The following ERBIN variants were observed in gnomAD, a reference collection of about 807,000 sequenced individuals.
The protein encoded by ERBIN is densin-180-like protein.
Under a neutral mutation model 158.4 loss-of-function variants are expected in ERBIN, and 60 were observed. The ratio of observed to expected loss-of-function variants is 0.38; its 90% CI spans 0.31 to 0.47. The LOEUF (loss-of-function observed/expected upper bound fraction) is 0.47. ERBIN is among the 20% of genes least tolerant of loss of function. ERBIN has a pLI of 0.99. For missense variants in ERBIN, 1,610 were observed against 1,648.0 expected (o/e 0.98, Z 0.40); for synonymous variants, 594 against 557.2 (o/e 1.07, Z -0.93).
Position 65,992,888 on chromosome 5 carries a change from A to G in ERBIN, c.170A>G (p.Gln57Arg). Residue 57 changes from glutamine (Q) to arginine (R), a missense_variant, in exon 3 of 26, where the codon CAG becomes CGG. By Grantham distance (43) the Gln-to-Arg change is conservative. Transcript: ENST00000284037. ...GAGGAACTCTATTTAGATGCTAATC[A>G]GATTGAAGAGCTTCCAAAGGTATGC... is the stretch of plus-strand genomic sequence containing the variant. ...TLEELYLDANQIEELPKQLFN... is the reference protein window; with the variant it reads ...TLEELYLDANRIEELPKQLFN... 1 of 1,597,694 alleles carries G rather than the reference A, an allele frequency of 6.3e-7. No homozygotes were observed. Among genetic ancestry groups the G allele is most frequent in the Non-Finnish European group, 8.5e-7 (1 of 1,174,850 alleles).
intron 4 of ERBIN, among the ~76,000 whole-genome samples, chr5:66,007,363 G>A (rs1300292408): frequency 6.6e-6 from 1 of 151,960 alleles, no homozygotes; most frequent in Non-Finnish European, 1.5e-5. Context: ...CACAGGGAGG[G>A]GAACATCACA....
intron 1 of ERBIN, among the ~76,000 whole-genome samples, chr5:65,945,666 C>G (rs1016487767): frequency 4.6e-5 from 7 of 152,032 alleles, no homozygotes; most frequent in Admixed American, 1.3e-4. Flanking sequence ...TCTAATTGTT[C>G]TTGGATATTT....
intron 1 of ERBIN, among the ~76,000 whole-genome samples, chr5:65,943,812 A>G (rs1360977505): frequency 6.6e-6 from 1 of 152,140 alleles, no homozygotes; most frequent in African/African-American, 2.4e-5. Context: ...AACTCTTTTC[A>G]TTTTGCAAAA....
chr5:65,999,085 T>C (rs1259141354), intron 4 of ERBIN, among the ~76,000 whole-genome samples: 1 of 152,130 alleles, frequency 6.6e-6, no homozygotes, highest in Non-Finnish European at 1.5e-5. Context: ...AAATGTCTTT[T>C]TGGCTGTGCG....
rs192759359 is a variant in ERBIN, at chr5:65,959,909, C to T, written c.-57-28726C>T. Among the ~76,000 whole-genome samples the T allele has an allele frequency of 2.8e-3, 421 of 152,256 alleles. 3 individuals are homozygous for T. Among genetic ancestry groups the T allele is most frequent in the African/African-American group, 9.6e-3 (399 of 41,550 alleles). ...ATTAGAAAATATTGTTAAGGCTTTG[C>T]GTTGGAGTTAACTGGAACCTTCAAA... is the stretch of plus-strand genomic sequence containing the variant. On this transcript the variant is annotated intron_variant, in intron 1 of 25. Coordinates refer to ENST00000284037, the MANE Select transcript of ERBIN (RefSeq NM_001253697.2).
At chr5:66,048,962 T>G (rs1443582656) in intron 19 of ERBIN, among the ~76,000 whole-genome samples, 181 bp downstream of exon 19, 1 of 152,056 alleles carries the variant, frequency 6.6e-6, no homozygotes, top group Non-Finnish European at 1.5e-5. Context: ...TCCTTGATAG[T>G]CTTTTCTTTC....
At chr5:66,074,916 T>A (rs1284152413) in intron 22 of ERBIN, 108 bp from the exon 23 acceptor site, 2 of 914,752 alleles carry the variant, frequency 2.2e-6, no homozygotes, top group Non-Finnish European at 3.3e-6. Context: ...TTTGACTTAA[T>A]TAGAATGTGA....
At chr5:66,069,124 G>A (rs1159400515) in intron 21 of ERBIN, 3 of 1,083,730 alleles carry the variant, frequency 2.8e-6, no homozygotes, top group Non-Finnish European at 3.7e-6. Flanking sequence ...CTCTGGGTTA[G>A]AAACCTTGAT....
intron 3 of ERBIN, 140 bp downstream of exon 3, chr5:65,993,047 T>A: frequency 1.9e-6 from 1 of 518,274 alleles, no homozygotes; most frequent in Non-Finnish European, 3.1e-6. Context: ...GAGTATGCCG[T>A]ACAATTCAAA....
intron 21 of ERBIN, among the ~76,000 whole-genome samples, chr5:66,059,978 A>T (rs538828256): frequency 7.2e-4 from 109 of 152,238 alleles, no homozygotes; most frequent in Non-Finnish European, 1.3e-3. Flanking sequence ...ATGTTCATCA[A>T]GGATATTGGT....
At chr5:66,023,573 T>A (rs1424181137) in intron 9 of ERBIN, among the ~76,000 whole-genome samples, 16 of 152,210 alleles carry the variant, frequency 1.1e-4, no homozygotes, top group Admixed American at 1.0e-3. Context: ...CTTTTAATAC[T>A]GTTGAGTGTG....
At position 66,052,495 on chromosome 5, in the gene ERBIN, A is replaced by C. The variant is rs534593301; in HGVS notation, c.2088-911A>C. 3.5e-3 allele frequency among the ~76,000 whole-genome samples: 527 copies of C among 152,254 alleles called. 6 individuals are homozygous for C. Among genetic ancestry groups the C allele is most frequent in the African/African-American group, 0.011 (437 of 41,560 alleles). On this transcript the variant is annotated intron_variant, in intron 20 of 25. Transcript: ENST00000284037. ...TAGATATTATCGTATTAATTTGTTG[A>C]ATAATAAAATTTTATTTATTGTTGG... is the stretch of plus-strand genomic sequence containing the variant.
intron 14 of ERBIN, among the ~76,000 whole-genome samples, chr5:66,031,050 G>A (rs7713319): frequency 0.017 from 2,634 of 152,232 alleles, 77 homozygotes; most frequent in African/African-American, 0.061. Flanking sequence ...GTTCTTCAAA[G>A]TTTGACAGAA....
chr5:65,927,993 T>C (rs1162645352), intron 1 of ERBIN, among the ~76,000 whole-genome samples: 1 of 152,212 alleles, frequency 6.6e-6, no homozygotes, highest in East Asian at 1.9e-4. Flanking sequence ...ATCCTGTTGG[T>C]AGGTATATCC....
intron 1 of ERBIN, among the ~76,000 whole-genome samples, chr5:65,935,206 T>C (rs992204534): frequency 6.6e-6 from 1 of 152,200 alleles, no homozygotes; most frequent in Non-Finnish European, 1.5e-5. Flanking sequence ...AGGGGTTTTA[T>C]TGGGGTACTA....
intron 7 of ERBIN, among the ~76,000 whole-genome samples, chr5:66,018,015 G>T (rs1243774866): frequency 6.6e-6 from 1 of 151,716 alleles, no homozygotes; most frequent in Non-Finnish European, 1.5e-5. Flanking sequence ...TTTATGTCTG[G>T]GTTCTCAATT....
At chr5:66,004,538 A>C (rs576259949) in intron 4 of ERBIN, among the ~76,000 whole-genome samples, 23 of 152,172 alleles carry the variant, frequency 1.5e-4, no homozygotes, top group Non-Finnish European at 3.2e-4. Flanking sequence ...AGCTGAGACT[A>C]CAGGTGCAGG....
intron 21 of ERBIN, chr5:66,068,888 A>G: frequency 1.3e-6 from 2 of 1,534,764 alleles, no homozygotes; most frequent in Non-Finnish European, 1.7e-6. Flanking sequence ...GCATGCTGTC[A>G]AGGTCCTTTA....
At chr5:65,944,968 A>G (rs1318006012) in intron 1 of ERBIN, among the ~76,000 whole-genome samples, 1 of 152,206 alleles carries the variant, frequency 6.6e-6, no homozygotes, top group Non-Finnish European at 1.5e-5. Flanking sequence ...TCAAAAAGCA[A>G]ATATCAAATT....
Sources: gnomAD v4.1 joint callset for allele counts (sites outside exome capture counted in the v4.1 genomes callset) on GRCh38, gnomAD v4.1.1 for gene constraint, MANE v1.5 for transcripts, NCBI Gene and HGNC (gene_info 2026-07-23, HGNC 2026-07-21) for gene names.